The following PSD3 variants were observed in gnomAD, a reference collection of about 807,000 sequenced individuals.
PSD3 encodes the protein PH and SEC7 domain-containing protein 3.
Under a neutral mutation model 105.5 loss-of-function variants are expected in PSD3, and 49 were observed. That is an observed-to-expected ratio of 0.46 (90% CI 0.37 to 0.59). PSD3 has a LOEUF of 0.59. PSD3 is among the 20% of genes least tolerant of loss of function. PSD3 has a pLI of 0.00. For synonymous variants in PSD3, 557 were observed against 457.8 expected, an observed-to-expected ratio of 1.22 and a Z score of -2.77; for missense variants, 1,561 against 1,263.8, an observed-to-expected ratio of 1.24 and a Z score of -3.57.
intron 9 of PSD3, among the ~76,000 whole-genome samples, chr8:18,762,339 C>G (rs1443005457): frequency 6.6e-6 from 1 of 152,160 alleles, no homozygotes; most frequent in African/African-American, 2.4e-5. Context: ...TTTTAGGTTT[C>G]CTGAGGCCTC....
chr8:18,605,878 C>T (rs1247588159), intron 11 of PSD3, among the ~76,000 whole-genome samples: 1 of 152,144 alleles, frequency 6.6e-6, no homozygotes, highest in Admixed American at 6.5e-5. Flanking sequence ...TCCCCCTTTA[C>T]CTTCCACCAT....
chr8:19,049,441 G>A (rs936422983), intron 1 of PSD3, among the ~76,000 whole-genome samples: 9 of 152,238 alleles, frequency 5.9e-5, no homozygotes, highest in Non-Finnish European at 7.4e-5. Context: ...TGCAATCTCA[G>A]TGCTCTGGGA....
chr8:18,724,755 A>G (rs1016545876), intron 9 of PSD3, among the ~76,000 whole-genome samples: 1 of 152,208 alleles, frequency 6.6e-6, no homozygotes, highest in Non-Finnish European at 1.5e-5. Context: ...TGATTCAAGA[A>G]CAAATAAGCT....
chr8:18,595,462 C>G (rs1417122004), intron 12 of PSD3, among the ~76,000 whole-genome samples: 1 of 135,988 alleles, frequency 7.4e-6, no homozygotes, highest in African/African-American at 2.7e-5. Flanking sequence ...GACAGAGAGA[C>G]AGAGACAGAC....
upstream of PSD3, among the ~76,000 whole-genome samples, chr8:19,018,191 A>G (rs893026815): frequency 6.6e-6 from 1 of 152,196 alleles, no homozygotes; most frequent in Admixed American, 6.5e-5. Context: ...CAATTTTATT[A>G]TTGACAATTT....
chr8:18,635,852 A>G (rs2129701), intron 10 of PSD3, among the ~76,000 whole-genome samples: 59,785 of 141,584 alleles, frequency 0.42, 12,432 homozygotes, highest in African/African-American at 0.51. Context: ...TTTGGACACA[A>G]GGAGGGGAAC....
chr8:18,598,651 G>A (rs1804216310), intron 12 of PSD3, among the ~76,000 whole-genome samples: 1 of 151,932 alleles, frequency 6.6e-6, no homozygotes, highest in Non-Finnish European at 1.5e-5. Context: ...CTTATATGTA[G>A]AAAACCCAAA....
chr8:18,616,618 C>CTTTTTTTTTTTT (rs36197855), intron 11 of PSD3, among the ~76,000 whole-genome samples: 14 of 72,330 alleles, frequency 1.9e-4, no homozygotes, highest in South Asian at 8.0e-4. Context: ...ATCTTCCTCT[C>CTTTTTTTTTTTT]TTTTCTTTTC....
intron 1 of PSD3, among the ~76,000 whole-genome samples, chr8:18,983,732 C>T (rs1461163303): frequency 3.3e-5 from 5 of 151,968 alleles, no homozygotes; most frequent in Non-Finnish European, 5.9e-5. Context: ...GGTGCAGTGG[C>T]TCATGCCTGT....
intron 9 of PSD3, among the ~76,000 whole-genome samples, chr8:18,701,799 T>C (rs961488265): frequency 5.3e-5 from 8 of 152,226 alleles, no homozygotes; most frequent in Non-Finnish European, 8.8e-5. Context: ...TGCATAGCCA[T>C]GAGCTTTCCT....
chr8:18,775,970 T>C (rs1808027901), intron 8 of PSD3, among the ~76,000 whole-genome samples: 1 of 152,200 alleles, frequency 6.6e-6, no homozygotes, highest in Non-Finnish European at 1.5e-5. Flanking sequence ...AGTAGTTTCA[T>C]ATTTTTAGTT....
At chr8:18,727,251 C>A (rs1214572567) in intron 9 of PSD3, among the ~76,000 whole-genome samples, 1 of 146,092 alleles carries the variant, frequency 6.8e-6, no homozygotes, top group African/African-American at 2.6e-5. Context: ...GCAGGAGAAT[C>A]GATTGAACCT....
At chr8:19,020,749 C>A (rs1827337790) in intron 1 of PSD3, among the ~76,000 whole-genome samples, 1 of 152,010 alleles carries the variant, frequency 6.6e-6, no homozygotes, top group Non-Finnish European at 1.5e-5. Context: ...GAAGATTGAG[C>A]TCACAGAATT....
chr8:18,997,732 G>A (rs1563496909), intron 1 of PSD3, among the ~76,000 whole-genome samples: 1 of 151,504 alleles, frequency 6.6e-6, no homozygotes, highest in East Asian at 2.0e-4. Flanking sequence ...GTATGGCTCT[G>A]CCTCAGGGCT....
chr8:19,025,342 C>T (rs79583367), intron 1 of PSD3, among the ~76,000 whole-genome samples: 10 of 152,212 alleles, frequency 6.6e-5, no homozygotes, highest in Non-Finnish European at 1.3e-4. Flanking sequence ...TAAAGAAACC[C>T]ATAAAGGTAG....
intron 1 of PSD3, among the ~76,000 whole-genome samples, chr8:18,971,603 T>C (rs1355729529): frequency 6.6e-6 from 1 of 152,150 alleles, no homozygotes; most frequent in Non-Finnish European, 1.5e-5. Flanking sequence ...CCGCCTCACA[T>C]CTGCCTTTGA....
chr8:18,874,535 T>C (rs1817605076), intron 2 of PSD3, among the ~76,000 whole-genome samples: 1 of 151,878 alleles, frequency 6.6e-6, no homozygotes, highest in African/African-American at 2.4e-5. Flanking sequence ...TAAATGTCTG[T>C]GTATATATAT....
In PSD3 at chr8:18,799,648, C is replaced by A. The variant is rs146682535; in HGVS notation, c.2024-295G>T. 3.3e-5 allele frequency among the ~76,000 whole-genome samples: 5 copies of A among 152,256 alleles called. No homozygotes were observed. The East Asian group carries it at 9.6e-4, about 29-fold the overall frequency. ...TGATACAACAAATCGGCTTCTAGGG[C>A]TTTGCACTACAGCAATAATTAGTGA... On this transcript the variant is annotated intron_variant, in intron 7 of 15. Coordinates refer to ENST00000327040, the MANE Select transcript of PSD3 (RefSeq NM_015310.4).
chr8:18,631,999 T>G (rs1271226957), intron 11 of PSD3, among the ~76,000 whole-genome samples: 1 of 151,960 alleles, frequency 6.6e-6, no homozygotes, highest in Non-Finnish European at 1.5e-5. Flanking sequence ...CTTCTCAAAC[T>G]CCAAACACCA....
Sources: gnomAD v4.1 joint callset for allele counts (sites outside exome capture counted in the v4.1 genomes callset) on GRCh38, gnomAD v4.1.1 for gene constraint, MANE v1.5 for transcripts, NCBI Gene and HGNC (gene_info 2026-07-23, HGNC 2026-07-21) for gene names.